The following SKAP2 variants were observed in gnomAD, a reference collection of about 807,000 sequenced individuals.
SKAP2 encodes the protein src kinase-associated phosphoprotein 2.
SKAP2 carries 28 observed loss-of-function variants against 54.9 expected under a neutral mutation model. The observed-to-expected ratio is 0.51, with a 90% CI of 0.38 to 0.70. SKAP2 has a LOEUF of 0.70. Among genes scored for constraint, SKAP2 ranks in the 30% least tolerant of loss-of-function variants. The pLI is 0.00. For synonymous variants in SKAP2, 137 were observed against 134.3 expected, an observed-to-expected ratio of 1.02 and a Z score of -0.14; for missense variants, 356 against 424.1, an observed-to-expected ratio of 0.84 and a Z score of 1.41.
intron 11 of SKAP2, among the ~76,000 whole-genome samples, chr7:26,684,534 T>C (rs1366860671): frequency 3.9e-5 from 6 of 152,204 alleles, no homozygotes; most frequent in South Asian, 4.1e-4. Flanking sequence ...CACTGTTAAG[T>C]TGAATCCTGT....
chr7:26,710,698 C>T (rs1404209455), intron 9 of SKAP2, among the ~76,000 whole-genome samples: 1 of 152,160 alleles, frequency 6.6e-6, no homozygotes, highest in East Asian at 1.9e-4. Flanking sequence ...AACAAATACG[C>T]ATTTTATCCT....
At chr7:26,857,818 G>T in intron 1 of SKAP2, 1 of 812,930 alleles carries the variant, frequency 1.2e-6, no homozygotes, top group Non-Finnish European at 1.5e-6. Flanking sequence ...CCTCTGGCTG[G>T]TTGGAGAAGA....
chr7:26,816,221 C>T (rs1012876867), intron 4 of SKAP2, among the ~76,000 whole-genome samples: 1 of 151,944 alleles, frequency 6.6e-6, no homozygotes, highest in Admixed American at 6.6e-5. Flanking sequence ...TCCAACCACA[C>T]GGTAGATAAA....
intron 3 of SKAP2, among the ~76,000 whole-genome samples, chr7:26,853,516 G>C (rs1214750215): frequency 6.6e-6 from 1 of 152,088 alleles, no homozygotes; most frequent in Non-Finnish European, 1.5e-5. Context: ...TCTAGAGGGA[G>C]ACAATCAGGT....
chr7:26,856,045 T>C (rs1323007706), intron 1 of SKAP2, among the ~76,000 whole-genome samples: 1 of 152,162 alleles, frequency 6.6e-6, no homozygotes. Context: ...GTATATGTGA[T>C]AGAATGTTTG....
intron 9 of SKAP2, among the ~76,000 whole-genome samples, chr7:26,692,639 A>G (rs1004969023): frequency 6.6e-6 from 1 of 152,250 alleles, no homozygotes; most frequent in African/African-American, 2.4e-5. Flanking sequence ...AATATGGTTC[A>G]GTCAAATATA....
At chr7:26,825,103 A>G (rs1784461155) in intron 4 of SKAP2, among the ~76,000 whole-genome samples, 1 of 152,212 alleles carries the variant, frequency 6.6e-6, no homozygotes, top group Admixed American at 6.5e-5. Context: ...CAAGAACACT[A>G]TAAATCTTGC....
intron 4 of SKAP2, among the ~76,000 whole-genome samples, chr7:26,758,040 C>T (rs1236280996): frequency 1.3e-5 from 2 of 152,166 alleles, no homozygotes; most frequent in Non-Finnish European, 2.9e-5. Flanking sequence ...GGATTACGGG[C>T]GTAAGCCACT....
intron 11 of SKAP2, among the ~76,000 whole-genome samples, chr7:26,673,194 A>C (rs1786279116): frequency 6.6e-6 from 1 of 152,056 alleles, no homozygotes; most frequent in Non-Finnish European, 1.5e-5. Context: ...GCATCATGTA[A>C]TCTTTATGGA....
chr7:26,683,436 G>T (rs767365811), intron 11 of SKAP2, among the ~76,000 whole-genome samples: 1 of 152,020 alleles, frequency 6.6e-6, no homozygotes, highest in African/African-American at 2.4e-5. Context: ...CCTTAGCTTT[G>T]GGCACCCTAA....
intron 4 of SKAP2, among the ~76,000 whole-genome samples, chr7:26,758,198 G>C (rs1487491747): frequency 1.1e-4 from 16 of 152,000 alleles, no homozygotes. Context: ...AGGGAGTGTA[G>C]GGAATTTTTT....
At chr7:26,800,102 C>T (rs572753053) in intron 4 of SKAP2, among the ~76,000 whole-genome samples, 29 of 151,884 alleles carry the variant, frequency 1.9e-4, no homozygotes, top group East Asian at 7.7e-4. Context: ...CCAGCCTGGG[C>T]GACAGAGCGA....
chr7:26,707,025 A>G (rs2299099), intron 9 of SKAP2, among the ~76,000 whole-genome samples: 1 of 152,174 alleles, frequency 6.6e-6, no homozygotes, highest in East Asian at 1.9e-4. Flanking sequence ...GCCATTTAAA[A>G]TCTCTTCCTT....
chr7:26,688,479 A>T (rs960989149), intron 10 of SKAP2, among the ~76,000 whole-genome samples: 2 of 152,186 alleles, frequency 1.3e-5, no homozygotes, highest in Non-Finnish European at 2.9e-5. Flanking sequence ...ATGTCATGTG[A>T]TGCTCAGCAA....
At chr7:26,733,703 T>G (rs1562591207) in intron 6 of SKAP2, among the ~76,000 whole-genome samples, 1 of 152,180 alleles carries the variant, frequency 6.6e-6, no homozygotes, top group Non-Finnish European at 1.5e-5. Flanking sequence ...AGTTCTGAAA[T>G]TTTGTTATCT....
intron 9 of SKAP2, among the ~76,000 whole-genome samples, chr7:26,723,521 T>A (rs1405138800): frequency 6.6e-6 from 1 of 152,066 alleles, no homozygotes; most frequent in African/African-American, 2.4e-5. Flanking sequence ...AAGTAACCAG[T>A]TACTTCCAAC....
intron 4 of SKAP2, among the ~76,000 whole-genome samples, chr7:26,742,721 A>C (rs914858764): frequency 6.7e-6 from 1 of 150,344 alleles, no homozygotes; most frequent in African/African-American, 2.4e-5. Flanking sequence ...AGCCATATGA[A>C]TTCTTTAAAA....
chr7:26,719,914 A>G (rs2127953669), intron 9 of SKAP2, among the ~76,000 whole-genome samples: 1 of 152,330 alleles, frequency 6.6e-6, no homozygotes, highest in East Asian at 1.9e-4. Context: ...AAAGTTGTCT[A>G]TTACATCCCT....
At chr7:26,741,933 A>G (rs978394607) in intron 4 of SKAP2, among the ~76,000 whole-genome samples, 3 of 152,140 alleles carry the variant, frequency 2.0e-5, no homozygotes, top group Non-Finnish European at 2.9e-5. Context: ...TGGTGGATCA[A>G]CTTCACCCAG....
Sources: gnomAD v4.1 joint callset for allele counts (sites outside exome capture counted in the v4.1 genomes callset) on GRCh38, gnomAD v4.1.1 for gene constraint, MANE v1.5 for transcripts, NCBI Gene and HGNC (gene_info 2026-07-23, HGNC 2026-07-21) for gene names.